GPHN: variants seen among roughly 807,000 people sequenced by gnomAD.
GPHN encodes the protein gephyrin.
A neutral mutation model predicts 95.5 loss-of-function variants in GPHN; 17 were observed. The observed-to-expected ratio is 0.18, with a 90% CI of 0.12 to 0.27. The LOEUF is 0.27. Ranked by LOEUF, GPHN falls within the 10% of genes least tolerant of loss-of-function variation. The pLI is 1.00. For missense variants in GPHN, 660 were observed against 978.1 expected (o/e 0.67, Z 4.34); for synonymous variants, 320 against 322.5 (o/e 0.99, Z 0.08).
At chr14:67,087,118 G>A (rs181397705) in intron 11 of GPHN, among the ~76,000 whole-genome samples, 83 of 151,128 alleles carry the variant, frequency 5.5e-4, no homozygotes, top group African/African-American at 2.0e-3. Context: ...ATGGGATTAA[G>A]TGAGATTATA....
chr14:66,903,089 A>C (rs2065197947), intron 5 of GPHN, among the ~76,000 whole-genome samples: 1 of 152,096 alleles, frequency 6.6e-6, no homozygotes, highest in Non-Finnish European at 1.5e-5. Context: ...GTTGGGTGAA[A>C]TGATTTGTAA....
intron 1 of GPHN, among the ~76,000 whole-genome samples, chr14:66,661,112 C>T (rs191930266): frequency 4.6e-5 from 7 of 152,274 alleles, no homozygotes; most frequent in Admixed American, 3.3e-4. Flanking sequence ...CTTGGACATC[C>T]ATATTTACCC....
At chr14:67,511,421 C>T in the GPHN span, among the ~76,000 whole-genome samples, 3 of 152,106 alleles carry the variant, frequency 2.0e-5, no homozygotes, top group South Asian at 2.1e-4. Flanking sequence ...TCTGAGGACC[C>T]GAGACCTGTC....
chr14:66,600,020 A>C (rs1306607080), intron 1 of GPHN, among the ~76,000 whole-genome samples: 2 of 152,050 alleles, frequency 1.3e-5, no homozygotes, highest in East Asian at 3.8e-4. Flanking sequence ...TTATTAATGC[A>C]TTTTTAATAT....
chr14:67,349,107 G>A, the GPHN span: 2 of 1,613,180 alleles, frequency 1.2e-6, no homozygotes, highest in Non-Finnish European at 1.7e-6. Flanking sequence ...CTGTAGTGCT[G>A]CAGAAAAAGA....
the GPHN span, among the ~76,000 whole-genome samples, chr14:67,207,032 A>G: frequency 2.4e-3 from 364 of 152,318 alleles, 9 homozygotes; most frequent in East Asian, 0.017. Flanking sequence ...GGATTTTCCA[A>G]ATACGCTATA....
intron 1 of GPHN, among the ~76,000 whole-genome samples, chr14:66,647,532 A>G (rs1566757611): frequency 1.3e-5 from 2 of 151,924 alleles, no homozygotes; most frequent in African/African-American, 2.4e-5. Context: ...CCCTGAAATC[A>G]CAGATGTTAC....
At chr14:66,592,997 A>G (rs950351736) in intron 1 of GPHN, among the ~76,000 whole-genome samples, 1 of 152,216 alleles carries the variant, frequency 6.6e-6, no homozygotes, top group African/African-American at 2.4e-5. Context: ...TGTCCTTTGC[A>G]GGGACGTGGA....
the GPHN span, chr14:67,224,840 C>T: frequency 7.7e-5 from 23 of 300,360 alleles, no homozygotes; most frequent in Admixed American, 1.0e-3. Flanking sequence ...CCTAAGCAGC[C>T]AGGTTCATTC....
intron 3 of GPHN, among the ~76,000 whole-genome samples, chr14:66,823,717 A>G (rs1267046151): frequency 5.3e-5 from 8 of 152,090 alleles, no homozygotes; most frequent in Admixed American, 4.6e-4. Flanking sequence ...ATTTTGTGTC[A>G]CTGATGAATT....
the GPHN span, chr14:67,199,402 G>A: frequency 1.3e-5 from 21 of 1,613,836 alleles, no homozygotes; most frequent in Non-Finnish European, 1.8e-5. Flanking sequence ...TTGATGAGAA[G>A]TTGCTTTATG....
chr14:67,258,805 A>G, the GPHN span, among the ~76,000 whole-genome samples: 10 of 152,070 alleles, frequency 6.6e-5, no homozygotes, highest in African/African-American at 2.4e-4. Context: ...TATTTGCTTT[A>G]ATCATTCTTT....
At chr14:67,138,726 G>T (rs1460001841) in intron 17 of GPHN, among the ~76,000 whole-genome samples, 2 of 151,830 alleles carry the variant, frequency 1.3e-5, no homozygotes, top group African/African-American at 2.4e-5. Context: ...GATGTGAATA[G>T]GCCCTTAAGC....
intron 19 of GPHN, among the ~76,000 whole-genome samples, chr14:67,164,204 G>T (rs1003573650): frequency 7.2e-6 from 1 of 138,514 alleles, no homozygotes; most frequent in African/African-American, 2.8e-5. Context: ...GGAGGCGGGG[G>T]TTGCCGTGAG....
At chr14:67,699,926 G>A in the GPHN span, among the ~76,000 whole-genome samples, 1 of 152,118 alleles carries the variant, frequency 6.6e-6, no homozygotes, top group Non-Finnish European at 1.5e-5. Context: ...CGGATCATGA[G>A]GTCAAGACAT....
At chr14:67,358,910 A>AT in the GPHN span, among the ~76,000 whole-genome samples, 3 of 152,114 alleles carry the variant, frequency 2.0e-5, no homozygotes, top group Non-Finnish European at 4.4e-5. Context: ...TTCAAGAAAT[A>AT]TTTTTTTGTG....
intron 8 of GPHN, among the ~76,000 whole-genome samples, chr14:66,956,552 T>G (rs924785324): frequency 3.3e-5 from 5 of 151,856 alleles, no homozygotes; most frequent in Non-Finnish European, 7.4e-5. Flanking sequence ...ACCTGTTGTT[T>G]CCTGACTTTT....
the GPHN span, among the ~76,000 whole-genome samples, chr14:67,315,189 G>A: frequency 4.0e-5 from 6 of 149,558 alleles, no homozygotes; most frequent in Admixed American, 1.3e-4. Flanking sequence ...GTACATCATT[G>A]TAATGTTTTA....
chr14:66,879,551 A>G (rs1259998354), intron 4 of GPHN, among the ~76,000 whole-genome samples: 1 of 152,052 alleles, frequency 6.6e-6, no homozygotes, highest in Non-Finnish European at 1.5e-5. Context: ...GTTTTCAGAG[A>G]CTAATTATTT....
Sources: allele counts gnomAD v4.1 joint callset (sites outside exome capture counted in the v4.1 genomes callset), GRCh38; gene constraint gnomAD v4.1.1; transcripts MANE v1.5; gene names NCBI Gene and HGNC (gene_info 2026-07-23, HGNC 2026-07-21).